Variants in CTNNA3 observed in about 807,000 individuals in gnomAD.
CTNNA3 encodes catenin alpha 3, also known as catenin alpha-3.
A neutral mutation model predicts 95.7 loss-of-function variants in CTNNA3; 76 were observed. The ratio of observed to expected loss-of-function variants is 0.79; its 90% confidence interval spans 0.66 to 0.96. The LOEUF (loss-of-function observed/expected upper bound fraction) is 0.96. Ranked by LOEUF, CTNNA3 falls within the 40% of genes least tolerant of loss-of-function variation. The pLI is 0.00. For missense variants in CTNNA3, 1,191 were observed against 1,089.8 expected (o/e 1.09, Z -1.31); for synonymous variants, 431 against 374.4 (o/e 1.15, Z -1.74).
At chr10:67,662,124 C>G (rs1175145844) in intron 1 of CTNNA3, among the ~76,000 whole-genome samples, 8 of 152,126 alleles carry the variant, frequency 5.3e-5, no homozygotes, top group Admixed American at 3.3e-4. Context: ...AGTCATCCCC[C>G]CAATCCTTGG....
At chr10:67,125,689 T>A (rs1158333792) in intron 7 of CTNNA3, among the ~76,000 whole-genome samples, 1 of 152,202 alleles carries the variant, frequency 6.6e-6, no homozygotes, top group East Asian at 1.9e-4. Context: ...TTCAATTATG[T>A]AAGTTGAGAA....
At chr10:67,759,386 A>T (rs1258104275) in intron 1 of CTNNA3, among the ~76,000 whole-genome samples, 1 of 152,254 alleles carries the variant, frequency 6.6e-6, no homozygotes, top group Non-Finnish European at 1.5e-5. Context: ...TGTCAAACCT[A>T]TTCCTTTTGA....
At chr10:67,607,347 C>T (rs1411638272) in intron 2 of CTNNA3, among the ~76,000 whole-genome samples, 3 of 148,778 alleles carry the variant, frequency 2.0e-5, no homozygotes, top group African/African-American at 7.8e-5. Context: ...GCTAGAGAGA[C>T]GATAGTGTTA....
chr10:67,318,308 A>G (rs1051787177), intron 5 of CTNNA3, among the ~76,000 whole-genome samples: 15 of 152,140 alleles, frequency 9.9e-5, no homozygotes, highest in African/African-American at 3.6e-4. Flanking sequence ...AATGTTCTAC[A>G]TTTTATCCCC....
At chr10:66,929,698 T>C (rs568730694) in intron 7 of CTNNA3, among the ~76,000 whole-genome samples, 2 of 152,354 alleles carry the variant, frequency 1.3e-5, no homozygotes, top group East Asian at 1.9e-4. Flanking sequence ...TCATCTGTAT[T>C]GTGAACTCAT....
At chr10:66,652,551 T>C (rs1845948019) in intron 9 of CTNNA3, among the ~76,000 whole-genome samples, 2 of 152,176 alleles carry the variant, frequency 1.3e-5, no homozygotes, top group Non-Finnish European at 2.9e-5. Context: ...TGCTTAATTT[T>C]ATCAAACATT....
intron 5 of CTNNA3, among the ~76,000 whole-genome samples, chr10:67,246,368 T>A (rs560599460): frequency 1.5e-4 from 23 of 152,320 alleles, no homozygotes; most frequent in African/African-American, 5.1e-4. Flanking sequence ...TAAATACTCT[T>A]TTTTTCCTCT....
At chr10:66,064,559 C>A (rs2080274814) in intron 15 of CTNNA3, among the ~76,000 whole-genome samples, 1 of 152,060 alleles carries the variant, frequency 6.6e-6, no homozygotes, top group African/African-American at 2.4e-5. Flanking sequence ...TAAGACCCCC[C>A]AGGGAAAAGC....
chr10:67,058,980 A>C (rs980481570), intron 7 of CTNNA3, among the ~76,000 whole-genome samples: 4 of 152,328 alleles, frequency 2.6e-5, no homozygotes, highest in African/African-American at 4.8e-5. Context: ...CATGACTAAA[A>C]ATTTTGTTTT....
chr10:67,056,052 T>C (rs1855407991), intron 7 of CTNNA3, among the ~76,000 whole-genome samples: 1 of 152,128 alleles, frequency 6.6e-6, no homozygotes, highest in Non-Finnish European at 1.5e-5. Context: ...GAGGTGGAGA[T>C]GAAGAATGCT....
At chr10:66,298,461 C>T (rs1206376751) in intron 12 of CTNNA3, among the ~76,000 whole-genome samples, 1 of 152,066 alleles carries the variant, frequency 6.6e-6, no homozygotes, top group Non-Finnish European at 1.5e-5. Context: ...ATACCATATA[C>T]ACACATACAT....
chr10:67,529,558 G>A (rs1840257469), intron 4 of CTNNA3, among the ~76,000 whole-genome samples: 1 of 149,600 alleles, frequency 6.7e-6, no homozygotes, highest in Admixed American at 6.7e-5. Flanking sequence ...TGAGTTAATG[G>A]GTGCAGCACA....
At chr10:66,420,353 T>C (rs908147916) in intron 11 of CTNNA3, among the ~76,000 whole-genome samples, 9 of 152,164 alleles carry the variant, frequency 5.9e-5, no homozygotes, top group African/African-American at 2.2e-4. Flanking sequence ...CCAGTTAGGA[T>C]GGCTATTTTT....
At chr10:67,136,029 T>C (rs1038518219) in intron 7 of CTNNA3, among the ~76,000 whole-genome samples, 3 of 152,122 alleles carry the variant, frequency 2.0e-5, no homozygotes, top group African/African-American at 7.2e-5. Flanking sequence ...AACAAGGTCA[T>C]TTTAACTTTT....
intron 12 of CTNNA3, among the ~76,000 whole-genome samples, chr10:66,305,445 G>A (rs550145358): frequency 6.6e-6 from 1 of 152,248 alleles, no homozygotes; most frequent in South Asian, 2.1e-4. Context: ...AGTGGACTCT[G>A]CATTTGGCTC....
intron 10 of CTNNA3, among the ~76,000 whole-genome samples, chr10:66,590,608 T>G (rs1843516389): frequency 6.6e-6 from 1 of 152,050 alleles, no homozygotes; most frequent in African/African-American, 2.4e-5. Flanking sequence ...AGCTTTACAT[T>G]TGATTCAGTG....
At chr10:66,758,594 G>A (rs1839471525) in intron 9 of CTNNA3, among the ~76,000 whole-genome samples, 1 of 152,038 alleles carries the variant, frequency 6.6e-6, no homozygotes, top group African/African-American at 2.4e-5. Context: ...GGTCAATCTG[G>A]GGAAGTTTTC....
At chr10:66,144,985 A>G (rs1394361075) in intron 13 of CTNNA3, among the ~76,000 whole-genome samples, 1 of 143,504 alleles carries the variant, frequency 7.0e-6, no homozygotes, top group African/African-American at 2.6e-5. Context: ...TGAAATGCAT[A>G]TTTGTATACC....
chr10:67,702,456 C>T (rs892602167), intron 1 of CTNNA3, among the ~76,000 whole-genome samples: 3 of 152,222 alleles, frequency 2.0e-5, no homozygotes, highest in African/African-American at 4.8e-5. Context: ...CAAACTACAA[C>T]TCAAGATTAA....
Sources: allele counts gnomAD v4.1 joint callset (sites outside exome capture counted in the v4.1 genomes callset), GRCh38; gene constraint gnomAD v4.1.1; transcripts MANE v1.5; gene names NCBI Gene and HGNC (gene_info 2026-07-23, HGNC 2026-07-21).